EMSY: variants seen among roughly 807,000 people sequenced by gnomAD.
EMSY encodes the protein BRCA2-interacting transcriptional repressor EMSY.
In EMSY, 26 loss-of-function variants were observed where a neutral mutation model predicts 134.6. That is an observed-to-expected ratio of 0.19 (90% CI 0.14 to 0.27). EMSY has a LOEUF of 0.27. Among genes scored for constraint, EMSY ranks in the 10% least tolerant of loss-of-function variants. The probability of loss-of-function intolerance (pLI) is 1.00; values close to 1 mark genes in which losing one functional copy is unlikely to be tolerated. For missense variants in EMSY, 1,305 were observed against 1,611.4 expected (o/e 0.81, Z 3.26); for synonymous variants, 579 against 577.8 (o/e 1.00, Z -0.03).
At chr11:76,539,479 A>G in intron 16 of EMSY, 120 bp from the exon 18 acceptor site, 2 of 926,784 alleles carry the variant, frequency 2.2e-6, no homozygotes, top group Non-Finnish European at 1.7e-6. Flanking sequence ...TTTAGCAGAA[A>G]GCTAATTCAA....
intron 9 of EMSY, among the ~76,000 whole-genome samples, chr11:76,502,555 A>C (rs960663005): frequency 5.3e-5 from 8 of 151,482 alleles, no homozygotes; most frequent in Non-Finnish European, 1.0e-4. Context: ...AACAAAAAAA[A>C]CCACTAAGGA....
At chr11:76,542,393 T>G (rs1273079213) in intron 18 of EMSY, 26 bp downstream of exon 19, 1 of 1,606,444 alleles carries the variant, frequency 6.2e-7, no homozygotes, top group Non-Finnish European at 8.5e-7. Context: ...TTTCTTCCTA[T>G]CTTCTGCAAC....
At position 76,453,427 on chromosome 11, in the gene EMSY, A is replaced by G. The variant is rs1238181888; in HGVS notation, c.245+39A>G. The G allele has an allele frequency of 2.5e-6, 4 of 1,569,504 alleles. No homozygotes were observed. In the African/African-American group the frequency reaches 4.1e-5, roughly 16 times the overall value. On this transcript the variant is annotated intron_variant, in intron 4 of 20. Transcript: ENST00000334736. ...CGTACCATCCCTGATTTTTTATGAC[A>G]TAGTATAACACAGTTTTGAAACAGT...
chr11:76,511,631 T>TG (rs1950281171), intron 9 of EMSY, among the ~76,000 whole-genome samples: 1 of 151,846 alleles, frequency 6.6e-6, no homozygotes, highest in African/African-American at 2.4e-5. Context: ...ACCCAGGAGG[T>TG]GGAGGTTGCA....
chr11:76,536,132 GTTATTAT>G, intron 15 of EMSY, 73 bp downstream of exon 16: 1 of 985,170 alleles, frequency 1.0e-6, no homozygotes, highest in East Asian at 3.2e-5. Flanking sequence ...TACTACCACT[GTTATTAT>G]TTATTATTAC....
intron 16 of EMSY, 89 bp from the exon 18 acceptor site, chr11:76,539,510 G>A (rs1393514963): frequency 2.3e-6 from 3 of 1,310,594 alleles, no homozygotes; most frequent in Non-Finnish European, 2.2e-6. Flanking sequence ...GTATTCTGGG[G>A]AACATAAATA....
chr11:76,458,122 T>C, intron 4 of EMSY, 61 bp from the exon 6 acceptor site: 1 of 1,462,812 alleles, frequency 6.8e-7, no homozygotes, highest in Non-Finnish European at 9.2e-7. Flanking sequence ...TTTGAGCATA[T>C]ATGTTTGATT....
chr11:76,531,716 T>G (rs1951047435), intron 14 of EMSY, among the ~76,000 whole-genome samples: 1 of 152,198 alleles, frequency 6.6e-6, no homozygotes, highest in Non-Finnish European at 1.5e-5. Flanking sequence ...ATCAAACACT[T>G]ATCCAGTAGT....
intron 8 of EMSY, among the ~76,000 whole-genome samples, chr11:76,488,189 A>C (rs4421765): frequency 6.6e-5 from 10 of 152,132 alleles, no homozygotes; most frequent in African/African-American, 2.4e-4. Context: ...ATTTAGGCTG[A>C]GTGCATTGGC....
chr11:76,534,508 G>A (rs1483357328), intron 14 of EMSY, among the ~76,000 whole-genome samples: 1 of 151,984 alleles, frequency 6.6e-6, no homozygotes, highest in East Asian at 1.9e-4. Context: ...AAAAATTCTA[G>A]GTCTATTGTG....
intron 18 of EMSY, among the ~76,000 whole-genome samples, chr11:76,543,624 T>C (rs1344022136): frequency 6.6e-6 from 1 of 152,204 alleles, no homozygotes; most frequent in East Asian, 1.9e-4. Context: ...CTGACAGGAA[T>C]GCTGTTGTCC....
intron 19 of EMSY, among the ~76,000 whole-genome samples, chr11:76,545,102 G>A (rs558826362): frequency 1.3e-5 from 2 of 152,226 alleles, no homozygotes; most frequent in East Asian, 1.9e-4. Context: ...GTGCATAGAA[G>A]CGATATCCCT....
chr11:76,544,574 C>A, exon 19 of EMSY: 1 of 1,614,118 alleles, frequency 6.2e-7, no homozygotes, highest in Non-Finnish European at 8.5e-7. Flanking sequence ...CCCTCTCCAG[C>A]AAGAACAAGC....
chr11:76,463,287 C>T (rs559660769), intron 6 of EMSY, among the ~76,000 whole-genome samples: 2 of 150,610 alleles, frequency 1.3e-5, no homozygotes, highest in Admixed American at 6.6e-5. Flanking sequence ...CACACCACTG[C>T]ACTCCAGCCT....
intron 8 of EMSY, among the ~76,000 whole-genome samples, chr11:76,495,314 G>A (rs940591259): frequency 6.6e-6 from 1 of 152,130 alleles, no homozygotes; most frequent in Non-Finnish European, 1.5e-5. Flanking sequence ...TTGAGAATTA[G>A]GCTATTAGTT....
chr11:76,513,634 A>G, intron 10 of EMSY, 99 bp downstream of exon 11: 2 of 1,314,694 alleles, frequency 1.5e-6, no homozygotes, highest in East Asian at 2.5e-5. Context: ...ATAGAGATTA[A>G]TGGGACAGTT....
chr11:76,511,975 T>C (rs1440849153), intron 9 of EMSY, among the ~76,000 whole-genome samples: 1 of 152,182 alleles, frequency 6.6e-6, no homozygotes, highest in African/African-American at 2.4e-5. Flanking sequence ...TCTAATTATA[T>C]ACTTAGATGT....
intron 9 of EMSY, among the ~76,000 whole-genome samples, chr11:76,508,343 C>CTT (rs35428460): frequency 5.2e-4 from 76 of 147,292 alleles, no homozygotes; most frequent in South Asian, 5.0e-3. Flanking sequence ...TGAAAGGAAT[C>CTT]TTTTTTTTTT....
At chr11:76,517,000 G>T (rs1356633892) in intron 11 of EMSY, among the ~76,000 whole-genome samples, 3 of 152,024 alleles carry the variant, frequency 2.0e-5, no homozygotes, top group Admixed American at 6.6e-5. Context: ...CCCTAATGTG[G>T]AATGTTAAAA....
Sources: gnomAD v4.1 joint callset for allele counts (sites outside exome capture counted in the v4.1 genomes callset) on GRCh38, gnomAD v4.1.1 for gene constraint, MANE v1.5 for transcripts, NCBI Gene and HGNC (gene_info 2026-07-23, HGNC 2026-07-21) for gene names.